The following STPG2 variants were observed in gnomAD, a reference collection of about 807,000 sequenced individuals.
STPG2 encodes the protein sperm tail PG-rich repeat containing 2.
STPG2 carries 56 observed loss-of-function variants against 54.2 expected under a neutral mutation model. The ratio of observed to expected loss-of-function variants is 1.03; its 90% CI spans 0.83 to 1.29. The LOEUF is 1.29. STPG2 is among the 50% of genes most tolerant of loss of function. The pLI is 0.00. For synonymous variants in STPG2, 200 were observed against 181.8 expected, an observed-to-expected ratio of 1.10 and a Z score of -0.81; for missense variants, 596 against 544.9, an observed-to-expected ratio of 1.09 and a Z score of -0.93.
chr4:97,979,382 A>G (rs892740454), intron 6 of STPG2, among the ~76,000 whole-genome samples: 1 of 152,176 alleles, frequency 6.6e-6, no homozygotes, highest in Non-Finnish European at 1.5e-5. Flanking sequence ...GCTGATTTTC[A>G]GAATTGCTAT....
chr4:98,022,904 T>C (rs1249776517), intron 5 of STPG2, among the ~76,000 whole-genome samples: 1 of 152,196 alleles, frequency 6.6e-6, no homozygotes, highest in Non-Finnish European at 1.5e-5. Flanking sequence ...TTGGGTATTC[T>C]AGTTATACAT....
chr4:97,676,255 C>T (rs1722840802), intron 10 of STPG2, among the ~76,000 whole-genome samples: 1 of 151,460 alleles, frequency 6.6e-6, no homozygotes, highest in African/African-American at 2.4e-5. Context: ...AGCTTACCTA[C>T]CAGCTATTTC....
chr4:97,750,851 C>T (rs1725560985), intron 9 of STPG2, among the ~76,000 whole-genome samples: 1 of 151,754 alleles, frequency 6.6e-6, no homozygotes, highest in Non-Finnish European at 1.5e-5. Flanking sequence ...AATAAAATAA[C>T]TCATGCAAAC....
At chr4:97,784,155 C>A (rs556470799) in intron 9 of STPG2, among the ~76,000 whole-genome samples, 111 of 150,794 alleles carry the variant, frequency 7.4e-4, no homozygotes, top group African/African-American at 2.5e-3. Flanking sequence ...GCAACAACAA[C>A]AACAAAAAAG....
chr4:97,443,836 CA>C (rs1160640455), intron 4 of STPG2, among the ~76,000 whole-genome samples: 3 of 151,906 alleles, frequency 2.0e-5, no homozygotes, highest in Non-Finnish European at 4.4e-5. Context: ...GAGATATAAT[CA>C]AAAAACAGAA....
At chr4:97,736,689 G>A (rs1204986659) in intron 9 of STPG2, among the ~76,000 whole-genome samples, 1 of 152,190 alleles carries the variant, frequency 6.6e-6, no homozygotes, top group Non-Finnish European at 1.5e-5. Flanking sequence ...GCTTGCTTAG[G>A]TAAACAAAGG....
At chr4:98,128,293 T>G (rs763007621) in intron 3 of STPG2, 135 bp downstream of exon 3, 1 of 811,936 alleles carries the variant, frequency 1.2e-6, no homozygotes, top group Non-Finnish European at 1.8e-6. Flanking sequence ...GGTCTATTTG[T>G]TACCACAATT....
At position 98,027,829 on chromosome 4, in the gene STPG2, T is replaced by C. The variant is rs185882528; in HGVS notation, c.613-46511A>G. Among the ~76,000 whole-genome samples the C allele has an allele frequency of 9.2e-5, 14 of 152,312 alleles. 1 individual carries two copies. The East Asian group carries it at 2.7e-3, about 29-fold the overall frequency. On this transcript the variant is annotated intron_variant, in intron 5 of 10. Transcript: ENST00000295268. The stretch of plus-strand genomic sequence containing the variant: ...ATTGCTTTCAGCATAAGTAGTTTTA[T>C]CAGCCTGCTTCCTGCCTTTAGAATT...
intron 8 of STPG2, among the ~76,000 whole-genome samples, chr4:97,927,367 C>T (rs1732371841): frequency 6.6e-6 from 1 of 151,896 alleles, no homozygotes; most frequent in Admixed American, 6.6e-5. Context: ...AATGATTGCC[C>T]TTTCTGAGCC....
rs1733414131 is a variant in STPG2, at chr4:97,950,195, T to C, written c.934-6188A>G. Among the ~76,000 whole-genome samples the C allele has an allele frequency of 2.6e-5, 4 of 152,082 alleles. 1 individual carries two copies. The South Asian group carries it at 8.3e-4, about 31-fold the overall frequency. On this transcript the variant is annotated intron_variant, in intron 7 of 10. Coordinates refer to ENST00000295268, the MANE Select transcript of STPG2 (RefSeq NM_174952.3). ...CTTTCTCTAGTATCTCAAATAAATT[T>C]TCCAAACATTATACTTTCTCTTATT...
chr4:97,795,241 C>T (rs1174175042), intron 9 of STPG2, among the ~76,000 whole-genome samples: 1 of 152,108 alleles, frequency 6.6e-6, no homozygotes, highest in Non-Finnish European at 1.5e-5. Context: ...TACATGTGCA[C>T]CACGTGCAGG....
intron 8 of STPG2, among the ~76,000 whole-genome samples, chr4:97,878,307 A>C (rs149809844): frequency 6.6e-6 from 1 of 152,138 alleles, no homozygotes; most frequent in African/African-American, 2.4e-5. Flanking sequence ...CAGTGTCCCA[A>C]TAGGAACTGT....
chr4:98,114,997 G>C (rs959916688), intron 3 of STPG2, among the ~76,000 whole-genome samples: 4 of 151,800 alleles, frequency 2.6e-5, no homozygotes, highest in Admixed American at 6.6e-5. Flanking sequence ...CCAACTTCAA[G>C]GTCACTGTCA....
At chr4:97,854,216 G>A (rs144245286) in intron 8 of STPG2, among the ~76,000 whole-genome samples, 295 of 152,188 alleles carry the variant, frequency 1.9e-3, no homozygotes, top group African/African-American at 7.0e-3. Flanking sequence ...CAGTAGTAAA[G>A]GTTATGGCCT....
chr4:97,975,746 T>C (rs964187541), intron 6 of STPG2, among the ~76,000 whole-genome samples: 1 of 152,184 alleles, frequency 6.6e-6, no homozygotes, highest in Non-Finnish European at 1.5e-5. Context: ...TAAATCTCAT[T>C]TGTTTTTCTG....
chr4:97,526,426 T>TA (rs1273100908), intron 4 of STPG2, among the ~76,000 whole-genome samples: 3 of 152,118 alleles, frequency 2.0e-5, no homozygotes, highest in Non-Finnish European at 1.5e-5. Context: ...TCAGGACTAC[T>TA]ATAAAGTAGA....
chr4:98,090,754 ATTTC>A (rs1232841958), intron 5 of STPG2, among the ~76,000 whole-genome samples: 1 of 151,488 alleles, frequency 6.6e-6, no homozygotes, highest in Non-Finnish European at 1.5e-5. Context: ...CTTCTTCTTT[ATTTC>A]TTTCTTAGGT....
intron 5 of STPG2, among the ~76,000 whole-genome samples, chr4:97,992,578 G>C (rs1001836503): frequency 6.6e-6 from 1 of 152,074 alleles, no homozygotes; most frequent in African/African-American, 2.4e-5. Context: ...CTTTGGCTAT[G>C]TGGGTCTTTT....
chr4:97,594,273 T>G (rs960683923), intron 10 of STPG2, among the ~76,000 whole-genome samples: 1 of 152,052 alleles, frequency 6.6e-6, no homozygotes, highest in African/African-American at 2.4e-5. Context: ...ATGCAGGAGA[T>G]GAAACACAAA....
Sources: allele counts gnomAD v4.1 joint callset (sites outside exome capture counted in the v4.1 genomes callset), GRCh38; gene constraint gnomAD v4.1.1; transcripts MANE v1.5; gene names NCBI Gene and HGNC (gene_info 2026-07-23, HGNC 2026-07-21).